SPATS2L: variants seen among roughly 807,000 people sequenced by gnomAD.
SPATS2L encodes SPATS2-like protein.
Under a neutral mutation model 59.6 loss-of-function variants are expected in SPATS2L, and 30 were observed. The observed-to-expected ratio is 0.50, with a 90% confidence interval of 0.38 to 0.68. The LOEUF is 0.68. SPATS2L is among the 30% of genes least tolerant of loss of function. SPATS2L has a pLI of 0.00. For missense variants in SPATS2L, 615 were observed against 700.0 expected (o/e 0.88, Z 1.37); for synonymous variants, 252 against 263.5 (o/e 0.96, Z 0.42).
intron 2 of SPATS2L, among the ~76,000 whole-genome samples, chr2:200,370,831 C>T (rs1195195010): frequency 6.6e-6 from 1 of 152,120 alleles, no homozygotes; most frequent in Non-Finnish European, 1.5e-5. Context: ...AAATGATATC[C>T]TTCAATTTGT....
chr2:200,330,030 C>T (rs1198920503), intron 2 of SPATS2L, among the ~76,000 whole-genome samples: 1 of 152,180 alleles, frequency 6.6e-6, no homozygotes, highest in South Asian at 2.1e-4. Context: ...CAGCCTGGCT[C>T]TGCATCCTGC....
At chr2:200,386,095 G>C (rs1439068932) in intron 2 of SPATS2L, among the ~76,000 whole-genome samples, 3 of 152,160 alleles carry the variant, frequency 2.0e-5, no homozygotes, top group African/African-American at 4.8e-5. Context: ...GCAGAAAGCT[G>C]TGATATTAGA....
intron 2 of SPATS2L, among the ~76,000 whole-genome samples, chr2:200,361,393 C>T (rs1457073100): frequency 6.6e-6 from 1 of 152,126 alleles, no homozygotes; most frequent in Non-Finnish European, 1.5e-5. Context: ...ATCCTCACTC[C>T]CTCCTTCTTG....
At chr2:200,314,079 A>G (rs888007743) in intron 1 of SPATS2L, among the ~76,000 whole-genome samples, 4 of 152,130 alleles carry the variant, frequency 2.6e-5, no homozygotes, top group African/African-American at 7.2e-5. Context: ...ACTACCACCT[A>G]TATGCCATTG....
Position 200,317,200 on chromosome 2 carries a change from A to G in SPATS2L, c.-73+10278A>G, listed in dbSNP as rs147264310. On this transcript the variant is annotated intron_variant, in intron 1 of 12. Coordinates refer to ENST00000409140, the MANE Select transcript of SPATS2L (RefSeq NM_001100423.2). Reference sequence around the variant, plus strand: ...CTCTATTTAGTTTCCTATGACCAGTATGATTTAGAAGAAAAAGAGGACGGG... The same window carrying G: ...CTCTATTTAGTTTCCTATGACCAGTGTGATTTAGAAGAAAAAGAGGACGGG... 7.6e-4 allele frequency among the ~76,000 whole-genome samples: 116 copies of G among 152,344 alleles called. 2 individuals are homozygous for G. The East Asian group carries it at 0.019, about 26-fold the overall frequency.
intron 2 of SPATS2L, among the ~76,000 whole-genome samples, chr2:200,388,612 G>GC (rs10711834): frequency 1.5e-4 from 22 of 143,974 alleles, no homozygotes; most frequent in Middle Eastern, 3.5e-3. Context: ...GTTTTGAGAT[G>GC]CCCCCCCCCC....
intron 1 of SPATS2L, among the ~76,000 whole-genome samples, chr2:200,328,649 C>T (rs537375717): frequency 3.3e-4 from 51 of 152,278 alleles, no homozygotes; most frequent in African/African-American, 1.2e-3. Flanking sequence ...TTCTGAGTCT[C>T]GTAGGACCAG....
intron 2 of SPATS2L, chr2:200,351,228 A>C: frequency 2.1e-6 from 1 of 471,256 alleles, no homozygotes; most frequent in Admixed American, 2.3e-5. Flanking sequence ...GGGAGTGCCA[A>C]ACATCTCAGT....
At chr2:200,381,365 A>G (rs1464840733) in intron 2 of SPATS2L, among the ~76,000 whole-genome samples, 1 of 152,204 alleles carries the variant, frequency 6.6e-6, no homozygotes, top group East Asian at 1.9e-4. Flanking sequence ...GAGAGCCAAA[A>G]GAGACCACAG....
rs1257459509 is a variant in SPATS2L, at chr2:200,479,568, T to G, written c.*1537T>G. On this transcript the variant is annotated 3_prime_UTR_variant, in exon 13 of 13. Transcript: ENST00000409140. ...AGGGGTACTTCTCAGAAAGGGAAAATGGATACCCAATGGCCCAAACCCAAA... is the reference window on the plus strand; with the variant it reads ...AGGGGTACTTCTCAGAAAGGGAAAAGGGATACCCAATGGCCCAAACCCAAA... The G allele has an allele frequency of 2.5e-6, 1 of 398,448 alleles. No individual in the cohort carries two copies. The highest frequency in any genetic ancestry group is 4.4e-6 in the Non-Finnish European group (1 of 226,072). 24.7% of individuals were successfully genotyped at this position (398,448 alleles called of 1,614,324 possible).
intron 3 of SPATS2L, among the ~76,000 whole-genome samples, chr2:200,401,519 G>C (rs1029329600): frequency 6.6e-6 from 1 of 152,124 alleles, no homozygotes; most frequent in African/African-American, 2.4e-5. Context: ...TAATGGAAAG[G>C]GGTGGGTGCG....
intron 12 of SPATS2L, among the ~76,000 whole-genome samples, chr2:200,473,418 A>G (rs747573739): frequency 1.3e-5 from 2 of 152,126 alleles, no homozygotes; most frequent in Non-Finnish European, 2.9e-5. Flanking sequence ...CTGGAACAAG[A>G]CTCGGAACCT....
chr2:200,420,780 A>G lies in SPATS2L; in HGVS notation c.445+1284A>G, dbSNP rs7581668. On this transcript the variant is annotated intron_variant, in intron 6 of 12. Transcript: ENST00000409140. ...ATTATATATATATTTTTTTAAAATC[A>G]TGAATGTCCAGGGGAACATGAGAAA... is the stretch of plus-strand genomic sequence containing the variant. Among the ~76,000 whole-genome samples, 658 of 152,290 alleles carry G rather than the reference A, an allele frequency of 4.3e-3. 3 individuals carry two copies. The highest frequency in any genetic ancestry group is 0.015 in the African/African-American group (622 of 41,540).
intron 5 of SPATS2L, 73 bp from the exon 6 acceptor site, chr2:200,419,177 T>C (rs1014538133): frequency 7.0e-7 from 1 of 1,431,670 alleles, no homozygotes; most frequent in Non-Finnish European, 9.3e-7. Flanking sequence ...TATCTTATTT[T>C]CATCTCTCAG....
chr2:200,314,410 G>A (rs2079295232), intron 1 of SPATS2L, among the ~76,000 whole-genome samples: 1 of 152,180 alleles, frequency 6.6e-6, no homozygotes, highest in South Asian at 2.1e-4. Flanking sequence ...TATTGCAGTA[G>A]CCTCGCAACT....
rs541825359 is a variant in SPATS2L, at chr2:200,333,543, G to A, written c.-23+4063G>A. Among the ~76,000 whole-genome samples the A allele has an allele frequency of 2.9e-3, 436 of 151,616 alleles. 1 individual carries two copies. Among genetic ancestry groups the A allele is most frequent in the African/African-American group, 0.01 (420 of 41,350 alleles). On this transcript the variant is annotated intron_variant, in intron 2 of 12. Coordinates refer to ENST00000409140, the MANE Select transcript of SPATS2L (RefSeq NM_001100423.2). The stretch of plus-strand genomic sequence containing the variant: ...TTACTTTAAGTTTTAGGGTACATGT[G>A]CACAACGTGCAGGTTTGTTACATAT...
At chr2:200,466,273 G>A (rs1001940936) in intron 9 of SPATS2L, among the ~76,000 whole-genome samples, 1 of 152,196 alleles carries the variant, frequency 6.6e-6, no homozygotes, top group East Asian at 1.9e-4. Flanking sequence ...ATGTGAGTCC[G>A]ACATGCATGT....
In SPATS2L at chr2:200,389,211, C is replaced by T; in HGVS notation, c.-22-12C>T. ...CAATTTTAAAACTTAATCTTGTTTT[C>T]CTTCTTTATAGGGCCTATTCCACTA... On this transcript the variant is annotated splice_polypyrimidine_tract_variant and intron_variant, in intron 2 of 12. Coordinates refer to ENST00000409140, the MANE Select transcript of SPATS2L (RefSeq NM_001100423.2). 6.5e-7 allele frequency: 1 copy of T among 1,531,714 alleles called. No homozygotes were observed. 94.9% of individuals were successfully genotyped at this position (1,531,714 alleles called of 1,614,324 possible).
At chr2:200,396,706 CA>C (rs940964570) in intron 3 of SPATS2L, among the ~76,000 whole-genome samples, 4 of 152,096 alleles carry the variant, frequency 2.6e-5, no homozygotes, top group Admixed American at 2.0e-4. Context: ...GGATTTGACA[CA>C]AGTTTTAATG....
Sources: allele counts gnomAD v4.1 joint callset (sites outside exome capture counted in the v4.1 genomes callset), GRCh38; gene constraint gnomAD v4.1.1; transcripts MANE v1.5; gene names NCBI Gene and HGNC (gene_info 2026-07-23, HGNC 2026-07-21).